Variants in IMMP2L observed in about 807,000 individuals in gnomAD.
The protein encoded by IMMP2L is mitochondrial inner membrane protease subunit 2.
IMMP2L carries 18 observed loss-of-function variants against 19.3 expected under a neutral mutation model. The ratio of observed to expected loss-of-function variants is 0.93; its 90% CI spans 0.64 to 1.38. The LOEUF (loss-of-function observed/expected upper bound fraction) is 1.38, where lower values mean the gene tolerates loss of function less well. Among genes scored for constraint, IMMP2L ranks in the 40% most tolerant of loss-of-function variants. IMMP2L has a pLI of 0.00. For synonymous variants in IMMP2L, 76 were observed against 73.0 expected, an observed-to-expected ratio of 1.04 and a Z score of -0.21; for missense variants, 233 against 218.2, an observed-to-expected ratio of 1.07 and a Z score of -0.43.
intron 3 of IMMP2L, among the ~76,000 whole-genome samples, chr7:110,966,567 A>G (rs1420174292): frequency 1.3e-5 from 2 of 152,038 alleles, no homozygotes; most frequent in Admixed American, 6.6e-5. Flanking sequence ...AAAATAATCT[A>G]TATTTTAAGA....
chr7:111,162,454 T>C (rs577106910), intron 3 of IMMP2L, among the ~76,000 whole-genome samples: 1 of 152,126 alleles, frequency 6.6e-6, no homozygotes, highest in East Asian at 1.9e-4. Context: ...TGACAATAAG[T>C]ATAACACAAA....
intron 2 of IMMP2L, among the ~76,000 whole-genome samples, chr7:111,492,688 A>G (rs1424449270): frequency 6.6e-6 from 1 of 152,188 alleles, no homozygotes; most frequent in East Asian, 1.9e-4. Context: ...GTTAGAACCA[A>G]AAGGTAAAGC....
At chr7:110,888,351 A>G (rs537927108) in intron 4 of IMMP2L, among the ~76,000 whole-genome samples, 1 of 152,306 alleles carries the variant, frequency 6.6e-6, no homozygotes, top group East Asian at 1.9e-4. Flanking sequence ...GACAAAGAGA[A>G]TATCCTTTTA....
chr7:111,425,624 A>G (rs1836000623), intron 3 of IMMP2L, among the ~76,000 whole-genome samples: 1 of 151,112 alleles, frequency 6.6e-6, no homozygotes, highest in Non-Finnish European at 1.5e-5. Flanking sequence ...GTTCACTGTA[A>G]TTGTCTTTTG....
intron 3 of IMMP2L, among the ~76,000 whole-genome samples, chr7:111,077,329 A>G (rs920711683): frequency 6.6e-6 from 1 of 152,178 alleles, no homozygotes; most frequent in African/African-American, 2.4e-5. Context: ...TTACCCTTAC[A>G]TTACATGAGA....
intron 3 of IMMP2L, among the ~76,000 whole-genome samples, chr7:111,105,559 T>C (rs775897261): frequency 9.9e-5 from 15 of 151,892 alleles, no homozygotes; most frequent in Non-Finnish European, 2.1e-4. Flanking sequence ...AACTGCCACA[T>C]GCAATTTAGC....
At chr7:110,868,686 A>T (rs1461879331) in intron 5 of IMMP2L, among the ~76,000 whole-genome samples, 5 of 152,138 alleles carry the variant, frequency 3.3e-5, no homozygotes, top group African/African-American at 1.2e-4. Context: ...CTCTGTTTAC[A>T]TAAGAAGTCA....
At chr7:110,735,251 G>A (rs1036849165) in intron 5 of IMMP2L, among the ~76,000 whole-genome samples, 2 of 152,164 alleles carry the variant, frequency 1.3e-5, no homozygotes, top group African/African-American at 2.4e-5. Context: ...TTATGCAAAA[G>A]AGATGCCCAG....
chr7:110,991,793 G>C (rs1822487137), intron 3 of IMMP2L, among the ~76,000 whole-genome samples: 1 of 151,938 alleles, frequency 6.6e-6, no homozygotes, highest in Non-Finnish European at 1.5e-5. Context: ...CCTTCTTCTG[G>C]CACACATGGT....
intron 2 of IMMP2L, among the ~76,000 whole-genome samples, chr7:111,512,233 C>T (rs1158058583): frequency 6.6e-6 from 1 of 152,022 alleles, no homozygotes; most frequent in African/African-American, 2.4e-5. Flanking sequence ...TACAACATGG[C>T]TAAACCTCAA....
At chr7:111,445,299 T>C (rs1273496516) in intron 3 of IMMP2L, among the ~76,000 whole-genome samples, 1 of 152,072 alleles carries the variant, frequency 6.6e-6, no homozygotes, top group East Asian at 1.9e-4. Flanking sequence ...CTACAGGTGC[T>C]CTCAGCTTAA....
intron 3 of IMMP2L, among the ~76,000 whole-genome samples, chr7:111,342,462 C>T (rs1827116556): frequency 2.0e-5 from 3 of 151,690 alleles, no homozygotes; most frequent in South Asian, 2.1e-4. Context: ...CGTGGTGGCA[C>T]GTGCCTGTAA....
chr7:110,668,787 A>G (rs567767592), intron 5 of IMMP2L, among the ~76,000 whole-genome samples: 1 of 124,494 alleles, frequency 8.0e-6, no homozygotes, highest in South Asian at 2.6e-4. Flanking sequence ...TCTTTTTTTT[A>G]ATATTGAGAA....
chr7:111,060,325 C>T (rs1008327017), intron 3 of IMMP2L, among the ~76,000 whole-genome samples: 2 of 152,144 alleles, frequency 1.3e-5, no homozygotes, highest in Non-Finnish European at 2.9e-5. Context: ...AGCTTTTATA[C>T]AAGAAACCAC....
chr7:111,527,506 T>G (rs1182205631), intron 1 of IMMP2L, among the ~76,000 whole-genome samples: 2 of 152,026 alleles, frequency 1.3e-5, no homozygotes, highest in Non-Finnish European at 2.9e-5. Flanking sequence ...CTTTTAACTG[T>G]TTCTTAAGAA....
intron 5 of IMMP2L, among the ~76,000 whole-genome samples, chr7:110,808,759 C>A (rs572410150): frequency 1.3e-5 from 2 of 151,934 alleles, no homozygotes. Context: ...TGGATGTTTA[C>A]CAGATAGTTT....
intron 3 of IMMP2L, among the ~76,000 whole-genome samples, chr7:111,425,602 G>A (rs1019410817): frequency 3.3e-5 from 5 of 151,078 alleles, no homozygotes; most frequent in African/African-American, 1.2e-4. Flanking sequence ...TATGAGTGGT[G>A]AGTATACTGG....
At chr7:111,258,796 G>A (rs1029782465) in intron 3 of IMMP2L, among the ~76,000 whole-genome samples, 4 of 152,000 alleles carry the variant, frequency 2.6e-5, no homozygotes, top group Non-Finnish European at 4.4e-5. Context: ...GTGAGCCACC[G>A]TGCCTAGCCA....
Position 110,927,336 on chromosome 7 carries a change from A to G in IMMP2L, c.305+36164T>C, listed in dbSNP as rs151109646. Among the ~76,000 whole-genome samples, 1,164 of 152,228 alleles carry G rather than the reference A, an allele frequency of 7.6e-3. 14 individuals are homozygous for G. Among genetic ancestry groups the G allele is most frequent in the African/African-American group, 0.026 (1,073 of 41,556 alleles). ...TTGTTACTCTTGTGCGAAAGGCATA[A>G]TAATGGCTCCCCAAAGCTGTCCATG... On this transcript the variant is annotated intron_variant, in intron 4 of 5. Coordinates refer to ENST00000405709, the MANE Select transcript of IMMP2L (RefSeq NM_032549.4).
Sources: allele counts gnomAD v4.1 joint callset (sites outside exome capture counted in the v4.1 genomes callset), GRCh38; gene constraint gnomAD v4.1.1; transcripts MANE v1.5; gene names NCBI Gene and HGNC (gene_info 2026-07-23, HGNC 2026-07-21).